The following KCNMA1 variants were observed in gnomAD, a reference collection of about 807,000 sequenced individuals.
The protein encoded by KCNMA1 is Calcium-activated potassium channel subunit alpha-1.
KCNMA1 carries 29 observed loss-of-function variants against 140.0 expected under a neutral mutation model. The observed-to-expected ratio is 0.21, with a 90% CI of 0.15 to 0.28. The LOEUF (loss-of-function observed/expected upper bound fraction) is 0.28. Ranked by LOEUF, KCNMA1 falls within the 10% of genes least tolerant of loss-of-function variation. The pLI, the probability that KCNMA1 is intolerant of heterozygous loss-of-function variation, is 1.00. For missense variants in KCNMA1, 880 were observed against 1,602.2 expected (o/e 0.55, Z 7.70); for synonymous variants, 612 against 611.9 (o/e 1.00, Z 0.00).
At chr10:77,010,731 T>C (rs1375704058) in intron 18 of KCNMA1, among the ~76,000 whole-genome samples, 1 of 152,036 alleles carries the variant, frequency 6.6e-6, no homozygotes, top group Non-Finnish European at 1.5e-5. Context: ...ACATTTTCTG[T>C]ACCCCACTCT....
At chr10:77,142,118 A>C (rs1267927341) in intron 5 of KCNMA1, among the ~76,000 whole-genome samples, 1 of 152,222 alleles carries the variant, frequency 6.6e-6, no homozygotes, top group Non-Finnish European at 1.5e-5. Flanking sequence ...CTGTAATCCC[A>C]GCACTTTGGG....
intron 5 of KCNMA1, among the ~76,000 whole-genome samples, chr10:77,170,630 G>A (rs1014535558): frequency 6.6e-6 from 1 of 152,108 alleles, no homozygotes; most frequent in Non-Finnish European, 1.5e-5. Context: ...TTTGGCCTGG[G>A]ACCTCCCTCC....
At chr10:77,615,498 G>T (rs2154568732) in intron 1 of KCNMA1, among the ~76,000 whole-genome samples, 1 of 152,276 alleles carries the variant, frequency 6.6e-6, no homozygotes, top group Non-Finnish European at 1.5e-5. Flanking sequence ...AAAAATGCAA[G>T]GGACTGCTGG....
intron 1 of KCNMA1, chr10:77,634,383 T>C: frequency 3.0e-6 from 3 of 985,462 alleles, no homozygotes; most frequent in Non-Finnish European, 3.6e-6. Flanking sequence ...AAGACTAAAG[T>C]CATTCACTGT....
chr10:77,489,047 G>A (rs2098500082), intron 1 of KCNMA1, among the ~76,000 whole-genome samples: 1 of 152,122 alleles, frequency 6.6e-6, no homozygotes, highest in Non-Finnish European at 1.5e-5. Flanking sequence ...CTAGGCAGAG[G>A]GGGTCATAAG....
At chr10:77,051,104 G>A (rs1037020892) in intron 14 of KCNMA1, among the ~76,000 whole-genome samples, 14 of 152,100 alleles carry the variant, frequency 9.2e-5, no homozygotes, top group Admixed American at 6.6e-5. Context: ...TCAGAAAATG[G>A]CCCTGATTTG....
At position 77,565,746 on chromosome 10, in the gene KCNMA1, T is replaced by C. The variant is rs189253609; in HGVS notation, c.378+71519A>G. Reference sequence around the variant, plus strand: ...TACTTGGCACAAGATAAGTGGTTAGTAACTGGTATCTGTGATGGGCACCAG... The same window carrying C: ...TACTTGGCACAAGATAAGTGGTTAGCAACTGGTATCTGTGATGGGCACCAG... On this transcript the variant is annotated intron_variant, in intron 1 of 27. Coordinates refer to ENST00000286628, the MANE Select transcript of KCNMA1 (RefSeq NM_001161352.2). 2.6e-5 allele frequency among the ~76,000 whole-genome samples: 4 copies of C among 152,358 alleles called. No individual in the cohort carries two copies. The East Asian group carries it at 7.7e-4, about 29-fold the overall frequency.
chr10:77,008,029 G>A (rs2089615560), intron 18 of KCNMA1, among the ~76,000 whole-genome samples: 1 of 152,048 alleles, frequency 6.6e-6, no homozygotes, highest in Non-Finnish European at 1.5e-5. Context: ...TGCATTGGGG[G>A]ATGAAGGAGT....
At chr10:77,558,437 G>T (rs2065284839) in intron 1 of KCNMA1, among the ~76,000 whole-genome samples, 1 of 152,288 alleles carries the variant, frequency 6.6e-6, no homozygotes, top group East Asian at 1.9e-4. Context: ...GGCCCTGGAA[G>T]ACAGCAACTG....
At chr10:77,182,696 A>G (rs1385152702) in intron 5 of KCNMA1, among the ~76,000 whole-genome samples, 2 of 152,208 alleles carry the variant, frequency 1.3e-5, no homozygotes, top group Non-Finnish European at 2.9e-5. Flanking sequence ...CTTCTTCCCT[A>G]GTAGACCCCA....
At chr10:77,201,250 C>T (rs992305495) in intron 3 of KCNMA1, among the ~76,000 whole-genome samples, 1 of 152,134 alleles carries the variant, frequency 6.6e-6, no homozygotes, top group African/African-American at 2.4e-5. Context: ...GTTGGTAAAT[C>T]AGAAACAGGA....
At chr10:77,528,771 C>T (rs1452719660) in intron 1 of KCNMA1, among the ~76,000 whole-genome samples, 1 of 152,092 alleles carries the variant, frequency 6.6e-6, no homozygotes, top group African/African-American at 2.4e-5. Context: ...ACTAAAGGAA[C>T]GGAGTACTGC....
chr10:77,485,002 C>T (rs1046551165), intron 1 of KCNMA1, among the ~76,000 whole-genome samples: 3 of 152,320 alleles, frequency 2.0e-5, no homozygotes, highest in Admixed American at 1.3e-4. Context: ...GCATCATCTG[C>T]ATTAAACATC....
chr10:76,985,863 T>G (rs1350023732), intron 19 of KCNMA1, among the ~76,000 whole-genome samples: 1 of 152,206 alleles, frequency 6.6e-6, no homozygotes, highest in African/African-American at 2.4e-5. Context: ...CTGTGAAATC[T>G]AGTGGTGATA....
intron 1 of KCNMA1, among the ~76,000 whole-genome samples, chr10:77,600,052 G>C (rs1277170653): frequency 2.6e-5 from 4 of 152,206 alleles, no homozygotes; most frequent in African/African-American, 9.7e-5. Flanking sequence ...CATACGCTGT[G>C]GGAAGCAGGC....
intron 25 of KCNMA1, among the ~76,000 whole-genome samples, chr10:76,909,170 T>G (rs2049018160): frequency 6.6e-6 from 1 of 152,146 alleles, no homozygotes; most frequent in Non-Finnish European, 1.5e-5. Context: ...CTGGCAGTCA[T>G]CTTTGACCCA....
intron 1 of KCNMA1, among the ~76,000 whole-genome samples, chr10:77,555,211 G>A (rs2154557780): frequency 6.6e-6 from 1 of 152,310 alleles, no homozygotes; most frequent in East Asian, 1.9e-4. Flanking sequence ...TACACTTCAG[G>A]GCGGGAGTCA....
intron 23 of KCNMA1, among the ~76,000 whole-genome samples, chr10:76,928,288 C>CGT (rs1564964914): frequency 2.8e-5 from 2 of 71,428 alleles, no homozygotes; most frequent in East Asian, 4.3e-4. Flanking sequence ...AACACGCGCG[C>CGT]GCACACACAC....
At chr10:77,295,787 C>CAAAA (rs36034012) in intron 2 of KCNMA1, among the ~76,000 whole-genome samples, 543 of 43,270 alleles carry the variant, frequency 0.013, 98 homozygotes, top group East Asian at 0.02. Context: ...GACTCCGTCT[C>CAAAA]AAAAAAAAAA....
Sources: allele counts gnomAD v4.1 joint callset (sites outside exome capture counted in the v4.1 genomes callset), GRCh38; gene constraint gnomAD v4.1.1; transcripts MANE v1.5; gene names NCBI Gene and HGNC (gene_info 2026-07-23, HGNC 2026-07-21).